TENM3: variants seen among roughly 807,000 people sequenced by gnomAD.
TENM3 encodes the protein teneurin transmembrane protein 3.
In TENM3, 63 loss-of-function variants were observed where a neutral mutation model predicts 255.1. The ratio of observed to expected loss-of-function variants is 0.25; its 90% CI spans 0.20 to 0.30. The LOEUF (loss-of-function observed/expected upper bound fraction) is 0.30, where lower values mean the gene tolerates loss of function less well. Ranked by LOEUF, TENM3 falls within the 10% of genes least tolerant of loss-of-function variation. The probability of loss-of-function intolerance (pLI) is 1.00; values close to 1 mark genes in which losing one functional copy is unlikely to be tolerated. For missense variants in TENM3, 2,929 were observed against 3,461.1 expected, an observed-to-expected ratio of 0.85 and a Z score of 3.86; for synonymous variants, 1,306 against 1,322.3, an observed-to-expected ratio of 0.99 and a Z score of 0.27.
chr4:182,064,585 A>G, the TENM3 span, among the ~76,000 whole-genome samples: 1 of 152,064 alleles, frequency 6.6e-6, no homozygotes, highest in Admixed American at 6.5e-5. Context: ...TGTCTCAAAA[A>G]AAAAAAGAAA....
chr4:182,730,826 G>C (rs1760636200), intron 15 of TENM3, 52 bp from the exon 16 acceptor site: 1 of 1,593,144 alleles, frequency 6.3e-7, no homozygotes, highest in African/African-American at 1.3e-5. Context: ...GTGTGTATTG[G>C]TAGTTATGTG....
chr4:181,690,068 G>A, the TENM3 span, among the ~76,000 whole-genome samples: 4 of 152,090 alleles, frequency 2.6e-5, no homozygotes, highest in Non-Finnish European at 1.5e-5. Context: ...TGATTCCCAG[G>A]CACCCAATAT....
chr4:182,448,052 G>C (rs149566136), intron 3 of TENM3, among the ~76,000 whole-genome samples: 1 of 152,374 alleles, frequency 6.6e-6, no homozygotes, highest in Non-Finnish European at 1.5e-5. Flanking sequence ...TTCCGGATCA[G>C]GGCTGTCCAG....
intron 1 of TENM3, among the ~76,000 whole-genome samples, chr4:182,219,222 C>G (rs1052598559): frequency 5.3e-5 from 8 of 150,668 alleles, no homozygotes; most frequent in South Asian, 4.2e-4. Flanking sequence ...ACTCTGTCTC[C>G]AAAAACAAAA....
the TENM3 span, among the ~76,000 whole-genome samples, chr4:181,851,061 G>A: frequency 6.6e-6 from 1 of 152,058 alleles, no homozygotes. Flanking sequence ...CCAAGTGATC[G>A]GAAACCCACT....
At chr4:182,300,394 T>G (rs1360887840) in intron 1 of TENM3, among the ~76,000 whole-genome samples, 1 of 152,218 alleles carries the variant, frequency 6.6e-6, no homozygotes, top group African/African-American at 2.4e-5. Context: ...TTACCTTGAC[T>G]TGTTCTTTTC....
At chr4:182,522,719 A>G (rs1021151429) in intron 3 of TENM3, among the ~76,000 whole-genome samples, 8 of 152,224 alleles carry the variant, frequency 5.3e-5, no homozygotes, top group East Asian at 1.9e-4. Context: ...TTGATGGACA[A>G]TTAGGTTAAT....
chr4:182,348,269 T>C (rs1384836640), intron 3 of TENM3, among the ~76,000 whole-genome samples: 2 of 152,174 alleles, frequency 1.3e-5, no homozygotes, highest in Non-Finnish European at 2.9e-5. Flanking sequence ...AAAATGAGCC[T>C]CAGAATCAGG....
chr4:182,159,329 A>G (rs1428497224), intron 1 of TENM3, among the ~76,000 whole-genome samples: 2 of 152,236 alleles, frequency 1.3e-5, no homozygotes, highest in Admixed American at 6.5e-5. Context: ...TTTGGAAACC[A>G]TGAAATTGAG....
At chr4:181,764,778 C>T in the TENM3 span, among the ~76,000 whole-genome samples, 493 of 152,254 alleles carry the variant, frequency 3.2e-3, 3 homozygotes, top group African/African-American at 0.011. Flanking sequence ...GCAACCTTCA[C>T]GTCCCAGGCT....
At chr4:181,855,824 G>A in the TENM3 span, among the ~76,000 whole-genome samples, 33 of 151,492 alleles carry the variant, frequency 2.2e-4, no homozygotes, top group Non-Finnish European at 1.5e-4. Flanking sequence ...GGAGAGAAAG[G>A]GAGAGGATGG....
intron 1 of TENM3, among the ~76,000 whole-genome samples, chr4:182,289,116 G>A (rs1482672052): frequency 2.0e-5 from 3 of 152,198 alleles, no homozygotes; most frequent in Non-Finnish European, 4.4e-5. Context: ...TGTAGTCCCA[G>A]CTACTCTGGA....
chr4:182,322,007 G>A (rs1445343074), intron 1 of TENM3, among the ~76,000 whole-genome samples: 1 of 152,038 alleles, frequency 6.6e-6, no homozygotes, highest in Non-Finnish European at 1.5e-5. Context: ...AGAGTGAATT[G>A]GTGTGTTGTT....
At chr4:182,374,747 A>G (rs1767063993) in intron 3 of TENM3, among the ~76,000 whole-genome samples, 1 of 152,126 alleles carries the variant, frequency 6.6e-6, no homozygotes, top group Non-Finnish European at 1.5e-5. Context: ...TCCTTTTCTT[A>G]CATCTAGAAA....
In TENM3 at chr4:182,474,848, G is replaced by A. The variant is rs184691521; in HGVS notation, c.512-126076G>A. On this transcript the variant is annotated intron_variant, in intron 3 of 27. Coordinates refer to ENST00000511685, the MANE Select transcript of TENM3 (RefSeq NM_001080477.4). ...CCCTTCTTTTTAATTGAACTTACCT[G>A]GTTTATGTGTGCCTCTAGCTTTGCA... Among the ~76,000 whole-genome samples, 265 of 152,024 alleles carry A rather than the reference G, an allele frequency of 1.7e-3. 1 individual carries two copies. The highest frequency in any genetic ancestry group is 6.2e-3 in the African/African-American group (256 of 41,440).
the TENM3 span, among the ~76,000 whole-genome samples, chr4:181,855,029 C>T: frequency 4.0e-4 from 61 of 151,882 alleles, no homozygotes; most frequent in Middle Eastern, 6.8e-3. Flanking sequence ...GATAGACAAG[C>T]GAATATGGAG....
chr4:182,693,698 A>C (rs1384489568), intron 12 of TENM3, among the ~76,000 whole-genome samples: 1 of 152,190 alleles, frequency 6.6e-6, no homozygotes, highest in Non-Finnish European at 1.5e-5. Flanking sequence ...ATAATGTTTA[A>C]GAGCTTTGGG....
At chr4:181,515,689 C>T in the TENM3 span, among the ~76,000 whole-genome samples, 2,024 of 152,166 alleles carry the variant, frequency 0.013, 37 homozygotes, top group East Asian at 0.071. Context: ...TCCTGTGACA[C>T]TGTTAAATAC....
the TENM3 span, among the ~76,000 whole-genome samples, chr4:181,628,957 C>A: frequency 1.3e-5 from 2 of 152,114 alleles, no homozygotes; most frequent in African/African-American, 4.8e-5. Context: ...TTGATTCTTC[C>A]TACCCATGAG....
Sources: allele counts gnomAD v4.1 joint callset (sites outside exome capture counted in the v4.1 genomes callset), GRCh38; gene constraint gnomAD v4.1.1; transcripts MANE v1.5; gene names NCBI Gene and HGNC (gene_info 2026-07-23, HGNC 2026-07-21).